The following PTPRD variants were observed in gnomAD, a reference collection of about 807,000 sequenced individuals.
PTPRD encodes the protein receptor-type tyrosine-protein phosphatase delta.
A neutral mutation model predicts 214.5 loss-of-function variants in PTPRD; 34 were observed. The ratio of observed to expected loss-of-function variants is 0.16; its 90% CI spans 0.12 to 0.21. The LOEUF (loss-of-function observed/expected upper bound fraction) is 0.21, where lower values mean the gene tolerates loss of function less well. Among genes scored for constraint, PTPRD ranks in the 10% least tolerant of loss-of-function variants. The probability of loss-of-function intolerance (pLI) is 1.00; values close to 1 mark genes in which losing one functional copy is unlikely to be tolerated. For synonymous variants in PTPRD, 1,128 were observed against 845.7 expected, an observed-to-expected ratio of 1.33 and a Z score of -5.79; for missense variants, 2,545 against 2,398.7, an observed-to-expected ratio of 1.06 and a Z score of -1.27.
At chr9:10,434,957 C>A (rs187695085) in intron 2 of PTPRD, among the ~76,000 whole-genome samples, 1 of 151,760 alleles carries the variant, frequency 6.6e-6, no homozygotes, top group Admixed American at 6.6e-5. Context: ...TCTATGCTAC[C>A]CCGAGCGCTG....
chr9:10,531,962 T>C (rs1214824303), intron 2 of PTPRD, among the ~76,000 whole-genome samples: 1 of 152,184 alleles, frequency 6.6e-6, no homozygotes, highest in South Asian at 2.1e-4. Context: ...CCTTATTTAA[T>C]AGTGGGAATA....
chr9:9,715,537 T>C (rs2097804142), intron 7 of PTPRD, among the ~76,000 whole-genome samples: 1 of 152,194 alleles, frequency 6.6e-6, no homozygotes, highest in Non-Finnish European at 1.5e-5. Context: ...ACTTGATTTC[T>C]GAAATCAGAG....
At chr9:9,548,410 T>TC (rs1591334612) in intron 8 of PTPRD, among the ~76,000 whole-genome samples, 2 of 148,370 alleles carry the variant, frequency 1.3e-5, no homozygotes, top group African/African-American at 2.5e-5. Flanking sequence ...TTTTTCTTTT[T>TC]TTTTTTTTTT....
chr9:10,566,573 T>C (rs2065684758), intron 2 of PTPRD, among the ~76,000 whole-genome samples: 1 of 152,056 alleles, frequency 6.6e-6, no homozygotes, highest in South Asian at 2.1e-4. Flanking sequence ...TTCTATGTTC[T>C]GTATATTAGT....
At chr9:8,710,868 G>A (rs931445275) in intron 12 of PTPRD, among the ~76,000 whole-genome samples, 4 of 152,132 alleles carry the variant, frequency 2.6e-5, no homozygotes, top group South Asian at 2.1e-4. Context: ...TCCATCAAAC[G>A]AATAAAACTA....
At chr9:9,137,236 G>T (rs1029847554) in intron 10 of PTPRD, among the ~76,000 whole-genome samples, 1 of 152,030 alleles carries the variant, frequency 6.6e-6, no homozygotes, top group African/African-American at 2.4e-5. Context: ...TATTTTTATT[G>T]TTTCAATAAT....
At chr9:9,139,601 T>C (rs2099856684) in intron 10 of PTPRD, among the ~76,000 whole-genome samples, 1 of 137,304 alleles carries the variant, frequency 7.3e-6, no homozygotes, top group South Asian at 2.3e-4. Flanking sequence ...AAATTATAAA[T>C]AGGCCGGACA....
At chr9:9,403,774 T>C (rs2071983690) in intron 8 of PTPRD, among the ~76,000 whole-genome samples, 1 of 152,140 alleles carries the variant, frequency 6.6e-6, no homozygotes, top group African/African-American at 2.4e-5. Context: ...ATTGGGGATA[T>C]AGTGGTAACC....
chr9:10,576,989 G>A (rs569292064), intron 2 of PTPRD, among the ~76,000 whole-genome samples: 2 of 151,832 alleles, frequency 1.3e-5, no homozygotes, highest in East Asian at 3.9e-4. Context: ...AACATTTAAA[G>A]GGCTTGAAAT....
intron 11 of PTPRD, among the ~76,000 whole-genome samples, chr9:8,793,128 C>A (rs2096288824): frequency 6.6e-6 from 1 of 152,198 alleles, no homozygotes; most frequent in African/African-American, 2.4e-5. Flanking sequence ...CTGCTTCCAA[C>A]TATGCACATA....
intron 11 of PTPRD, among the ~76,000 whole-genome samples, chr9:8,900,746 G>T (rs1018119841): frequency 1.3e-4 from 20 of 152,140 alleles, no homozygotes; most frequent in Non-Finnish European, 2.8e-4. Flanking sequence ...AACCAAATTA[G>T]CACTGAACAC....
Position 8,695,075 on chromosome 9 carries a change from G to T in PTPRD, c.64+38705C>A, listed in dbSNP as rs182470614. Among the ~76,000 whole-genome samples, 1,489 of 152,252 alleles carry T rather than the reference G, an allele frequency of 9.8e-3. 37 individuals are homozygous for T. Among genetic ancestry groups the T allele is most frequent in the Admixed American group, 0.054 (819 of 15,294 alleles). On this transcript the variant is annotated intron_variant, in intron 12 of 45. Coordinates refer to ENST00000381196, the MANE Select transcript of PTPRD (RefSeq NM_002839.4). ...TCGCTCAGTCTTTTCCCATCCGTCT[G>T]TCCCCTCTGCCTTTCTCATTGTGCT...
intron 3 of PTPRD, among the ~76,000 whole-genome samples, chr9:10,208,330 CG>C (rs1250888717): frequency 1.3e-5 from 2 of 152,084 alleles, no homozygotes; most frequent in African/African-American, 4.8e-5. Flanking sequence ...CTGGCTAACA[CG>C]GTGAAACCCC....
chr9:9,827,455 T>C (rs974987626), intron 5 of PTPRD, among the ~76,000 whole-genome samples: 3 of 152,164 alleles, frequency 2.0e-5, no homozygotes, highest in South Asian at 4.1e-4. Flanking sequence ...GCTAGCCATA[T>C]GTAGAAAGCT....
intron 11 of PTPRD, among the ~76,000 whole-genome samples, chr9:8,981,803 T>C (rs1226101483): frequency 1.3e-5 from 2 of 152,098 alleles, no homozygotes; most frequent in Non-Finnish European, 2.9e-5. Context: ...ATGTGATTAT[T>C]TGGCTTTCTA....
intron 5 of PTPRD, among the ~76,000 whole-genome samples, chr9:9,777,346 C>A (rs4742617): frequency 6.6e-6 from 1 of 151,906 alleles, no homozygotes; most frequent in East Asian, 1.9e-4. Context: ...CACACACACA[C>A]ACACACACCC....
At chr9:9,788,644 T>A (rs1405717949) in intron 5 of PTPRD, among the ~76,000 whole-genome samples, 1 of 151,098 alleles carries the variant, frequency 6.6e-6, no homozygotes, top group Non-Finnish European at 1.5e-5. Flanking sequence ...AGACACAGTA[T>A]ATAATATTAA....
chr9:9,851,802 G>A (rs1017666428), intron 5 of PTPRD, among the ~76,000 whole-genome samples: 1 of 152,112 alleles, frequency 6.6e-6, no homozygotes, highest in African/African-American at 2.4e-5. Context: ...CAACAACTAA[G>A]TATAATTTCA....
At chr9:10,008,582 C>T (rs891873963) in intron 4 of PTPRD, among the ~76,000 whole-genome samples, 2 of 110,766 alleles carry the variant, frequency 1.8e-5, no homozygotes, top group Middle Eastern at 5.7e-3. Flanking sequence ...CTCCCATATC[C>T]TGTGAGCATA....
Sources: allele counts gnomAD v4.1 joint callset (sites outside exome capture counted in the v4.1 genomes callset), GRCh38; gene constraint gnomAD v4.1.1; transcripts MANE v1.5; gene names NCBI Gene and HGNC (gene_info 2026-07-23, HGNC 2026-07-21).